The following CIBAR2 variants were observed in gnomAD, a reference collection of about 807,000 sequenced individuals.
CIBAR2 encodes CBY1-interacting BAR domain-containing protein 2.
CIBAR2 carries 38 observed loss-of-function variants against 36.2 expected under a neutral mutation model. The ratio of observed to expected loss-of-function variants is 1.05; its 90% CI spans 0.81 to 1.38. The LOEUF (loss-of-function observed/expected upper bound fraction) is 1.38. Among genes scored for constraint, CIBAR2 ranks in the 40% most tolerant of loss-of-function variants. The pLI is 0.00. For synonymous variants in CIBAR2, 182 were observed against 149.5 expected, an observed-to-expected ratio of 1.22 and a Z score of -1.58; for missense variants, 481 against 383.4, an observed-to-expected ratio of 1.25 and a Z score of -2.13.
Position 85,112,446 on chromosome 16 carries a change from C to G in CIBAR2, c.-94G>C. ...GGGAGGAGCCGGGCAGGGCTGGGTG[C>G]AGCTGTGTGGCCTGGGCTCAAGGGA... On this transcript the variant is annotated 5_prime_UTR_variant, in exon 1 of 9. Transcript: ENST00000539556. 7.7e-7 allele frequency: 1 copy of G among 1,299,458 alleles called. No individual in the cohort carries two copies. The highest frequency in any genetic ancestry group is 1.1e-6 in the Non-Finnish European group (1 of 897,844). The allele number at this position is 1,299,458 out of a possible 1,614,324, so 80.5% of individuals were successfully genotyped here. A position where few individuals can be genotyped will look rare whatever the true frequency, so the allele number is the denominator to read the frequency against.
At chr16:85,104,662 G>C (rs1355950714) in intron 6 of CIBAR2, among the ~76,000 whole-genome samples, 1 of 152,130 alleles carries the variant, frequency 6.6e-6, no homozygotes, top group Non-Finnish European at 1.5e-5. Context: ...GTTGCAGTGA[G>C]TGGAGATCAT....
Position 85,100,259 on chromosome 16 carries a change from G to A in CIBAR2, c.652-19C>T. The stretch of plus-strand genomic sequence containing the variant: ...TAAAATCCTGCCGGGGAGAGACCAG[G>A]GTGGGTGGGATCCGATGGGAAAACA... On this transcript the variant is annotated intron_variant, in intron 7 of 8. Transcript: ENST00000539556. 6 of 1,568,372 alleles carry A rather than the reference G, an allele frequency of 3.8e-6. No individual in the cohort carries two copies. Among genetic ancestry groups the A allele is most frequent in the Non-Finnish European group, 5.2e-6 (6 of 1,147,232 alleles).
In CIBAR2 at chr16:85,102,318, A is replaced by C; in HGVS notation, c.547T>G (p.Cys183Gly). 6.2e-7 allele frequency: 1 copy of C among 1,606,276 alleles called. No homozygotes were observed. The highest frequency in any genetic ancestry group is 8.5e-7 in the Non-Finnish European group (1 of 1,173,020). ...ACCATCTCAATAGTTACAAAGTCAC[A>C]AAAAAATTTCTGTGGGGAGAGAAAC... ...QKLKDLQKFF[C>G]DFVTIEMVFH... The change falls in exon 7 of 9, where the codon TGT (cysteine) becomes GGT (glycine). Residue 183 changes from cysteine to glycine, a missense_variant. By Grantham distance (159) the Cys-to-Gly change is radical. Transcript: ENST00000539556.
In CIBAR2 at chr16:85,105,357, G is replaced by A. The variant is rs1273473179; in HGVS notation, c.507C>T (p.Gly169=). Residue 169 remains glycine (G), a synonymous_variant, in exon 6 of 9, where the codon GGC becomes GGT. Coordinates refer to ENST00000539556, the MANE Select transcript of CIBAR2 (RefSeq NM_198491.3). ...GGTCCTTGAGCTTCTGCCTCTGGAAGCCATCCACAGTCTCCTCCAGCTGGA... is the reference window on the plus strand; with the variant it reads ...GGTCCTTGAGCTTCTGCCTCTGGAAACCATCCACAGTCTCCTCCAGCTGGA... ...TTLQLEETVD[G]FQRQKLKDLQ... is the part of the protein sequence containing the mutation. The A allele has an allele frequency of 6.2e-7, 1 of 1,613,530 alleles. No homozygotes were observed. Among genetic ancestry groups the A allele is most frequent in the South Asian group, 1.1e-5 (1 of 91,080 alleles).
chr16:85,112,026 T>C (rs2074046649), intron 1 of CIBAR2, among the ~76,000 whole-genome samples: 1 of 151,736 alleles, frequency 6.6e-6, no homozygotes, highest in South Asian at 2.1e-4. Context: ...CTGGTTGGGG[T>C]TGAGGTGTGA....
At position 85,098,568 on chromosome 16, in the gene CIBAR2, C is replaced by G. The variant is rs1239372460; in HGVS notation, c.*617G>C. On this transcript the variant is annotated 3_prime_UTR_variant, in exon 9 of 9. Transcript: ENST00000539556. The stretch of plus-strand genomic sequence containing the variant: ...TTCTGACTGTTGTGGGCAGTTCTCT[C>G]TTATGGGGTCCCTGCCCCAGTGCCC... The G allele has an allele frequency of 1.0e-6, 1 of 985,986 alleles. No homozygotes were observed. Among genetic ancestry groups the G allele is most frequent in the Non-Finnish European group, 1.2e-6 (1 of 830,004 alleles). The allele number at this position is 985,986 out of a possible 1,614,324, so 61.1% of individuals were successfully genotyped here. A position where few individuals can be genotyped will look rare whatever the true frequency, so the allele number is the denominator to read the frequency against.
rs2144171840 is a variant in CIBAR2, at chr16:85,108,011, A to G, written c.324+20T>C. The stretch of plus-strand genomic sequence containing the variant: ...AGGGCAAGACAGGGATGCCACCCAC[A>G]CCGAGGTGCCCCGGCTCACCCGTGT... On this transcript the variant is annotated intron_variant, in intron 3 of 8. Transcript: ENST00000539556. 1.2e-6 allele frequency: 2 copies of G among 1,613,822 alleles called. No individual in the cohort carries two copies. Among genetic ancestry groups the G allele is most frequent in the African/African-American group, 2.7e-5 (2 of 75,022 alleles).
intron 2 of CIBAR2, among the ~76,000 whole-genome samples, chr16:85,109,400 G>A (rs1160584862): frequency 6.6e-6 from 1 of 152,184 alleles, no homozygotes; most frequent in African/African-American, 2.4e-5. Context: ...GGGCATCGTG[G>A]GTTGTGTCTG....
chr16:85,110,993 C>A (rs962599969), intron 1 of CIBAR2, among the ~76,000 whole-genome samples: 9 of 152,146 alleles, frequency 5.9e-5, no homozygotes, highest in Non-Finnish European at 1.2e-4. Context: ...GCATGAGCCA[C>A]CACGTTCGGC....
chr16:85,099,350 C>T lies in CIBAR2; in HGVS notation c.754-4G>A. On this transcript the variant is annotated splice_region_variant and splice_polypyrimidine_tract_variant and intron_variant, in intron 8 of 8. Coordinates refer to ENST00000539556, the MANE Select transcript of CIBAR2 (RefSeq NM_198491.3). Reference sequence around the variant, plus strand: ...TCAGCTGGACCTGCAGAGTTCCCTGCAGAAATATAAATGCACCTGATGGCA... The same window carrying T: ...TCAGCTGGACCTGCAGAGTTCCCTGTAGAAATATAAATGCACCTGATGGCA... 6.6e-7 allele frequency: 1 copy of T among 1,505,362 alleles called. No homozygotes were observed. Among genetic ancestry groups the T allele is most frequent in the Non-Finnish European group, 9.3e-7 (1 of 1,080,986 alleles). 93.3% of individuals were successfully genotyped at this position (1,505,362 alleles called of 1,614,324 possible).
In CIBAR2 at chr16:85,107,686, T is replaced by C. The variant is rs17200798; in HGVS notation, c.427-14A>G. The C allele has an allele frequency of 0.16, 263,500 of 1,613,012 alleles. 22,951 individuals are homozygous for C. Among genetic ancestry groups the C allele is most frequent in the Middle Eastern group, 0.22 (1,338 of 6,060 alleles). On this transcript the variant is annotated splice_polypyrimidine_tract_variant and intron_variant, in intron 4 of 8. Coordinates refer to ENST00000539556, the MANE Select transcript of CIBAR2 (RefSeq NM_198491.3). ...ACTCACCTGGGACTGAAAAACGTGC[T>C]GTTAAGGAACCAAGTTAAGCCCAGG...
rs370185701 is a variant in CIBAR2 at position 85,110,363 on chromosome 16, C to A, written c.118G>T (p.Ala40Ser). The A allele has an allele frequency of 1.7e-5, 28 of 1,613,558 alleles. No homozygotes were observed. In the African/African-American group the frequency reaches 3.6e-4, roughly 21 times the overall value. Residue 40 changes from alanine to serine, a missense_variant, in exon 2 of 9, where the codon GCC becomes TCC. Transcript: ENST00000539556. ...TGGTCCGCCTTGTCCCGCAGCCGGGCCGTCTTGCGCGTGTAGGCGGCCAGC... is the reference window on the plus strand; with the variant it reads ...TGGTCCGCCTTGTCCCGCAGCCGGGACGTCTTGCGCGTGTAGGCGGCCAGC... ...SLLAAYTRKT[A>S]RLRDKADQLV... is the part of the protein sequence containing the mutation.
rs753304075 is a variant in CIBAR2 at position 85,099,208 on chromosome 16, T to C, written c.892A>G (p.Met298Val). 6.3e-7 allele frequency: 1 copy of C among 1,597,546 alleles called. No homozygotes were observed. Among genetic ancestry groups the C allele is most frequent in the Non-Finnish European group, 8.5e-7 (1 of 1,172,830 alleles). ...HCVCGQGGHLMLPGHSL is the reference protein window; with the variant it reads ...HCVCGQGGHLVLPGHSL The stretch of plus-strand genomic sequence containing the variant: ...CGTTAGAGAGAATGTCCTGGAAGCA[T>C]GAGATGCCCACCCTGCCCACACACA... Residue 298 changes from methionine (M) to valine (V), a missense_variant, in exon 9 of 9, where the codon ATG (methionine) becomes GTG (valine). Coordinates refer to ENST00000539556, the MANE Select transcript of CIBAR2 (RefSeq NM_198491.3).
chr16:85,110,044 C>T (rs1645393469), intron 2 of CIBAR2, among the ~76,000 whole-genome samples, 182 bp downstream of exon 2: 2 of 152,178 alleles, frequency 1.3e-5, no homozygotes, highest in Non-Finnish European at 2.9e-5. Context: ...CTCCTAGGCT[C>T]TCAATCCTGC....
At position 85,106,611 on chromosome 16, in the gene CIBAR2, T is replaced by C. The variant is rs139417912; in HGVS notation, c.432+1056A>G. Among the ~76,000 whole-genome samples, 4 of 152,258 alleles carry C rather than the reference T, an allele frequency of 2.6e-5. No homozygotes were observed. The East Asian group carries it at 7.7e-4, about 29-fold the overall frequency. On this transcript the variant is annotated intron_variant, in intron 5 of 8. Coordinates refer to ENST00000539556, the MANE Select transcript of CIBAR2 (RefSeq NM_198491.3). ...TGAGCCAAGGGATGTGCGTGGCCTC[T>C]GGAAGCTGGAAAAGGCGAGGGCGCA...
Position 85,105,334 on chromosome 16 carries a change from T to A in CIBAR2, c.530A>T (p.Asp177Val). The A allele has an allele frequency of 6.2e-7, 1 of 1,610,716 alleles. No homozygotes were observed. Among genetic ancestry groups the A allele is most frequent in the South Asian group, 1.1e-5 (1 of 91,000 alleles). The change falls in exon 6 of 9, where the codon GAC (aspartate) becomes GTC (valine). Residue 177 changes from aspartate to valine, a missense_variant. Physicochemically the swap from Asp to Val is radical, Grantham distance 152. Transcript: ENST00000539556. ...CCGGCCAACCACCCTCACCTGCAGG[T>A]CCTTGAGCTTCTGCCTCTGGAAGCC... is the stretch of plus-strand genomic sequence containing the variant. ...VDGFQRQKLK[D>V]LQKFFCDFVT...
chr16:85,099,251 C>G lies in CIBAR2; in HGVS notation c.849G>C (p.Lys283Asn), dbSNP rs768870588. The G allele has an allele frequency of 6.2e-7, 1 of 1,613,032 alleles. No individual in the cohort carries two copies. Among genetic ancestry groups the G allele is most frequent in the Admixed American group, 1.7e-5 (1 of 59,812 alleles). The change falls in exon 9 of 9, where the codon AAG (lysine) becomes AAC (asparagine). Residue 283 changes from lysine (K) to asparagine (N), a missense_variant. Coordinates refer to ENST00000539556, the MANE Select transcript of CIBAR2 (RefSeq NM_198491.3). ...GRFSLCEWVV[K>N]GQPAHCVCGQ... ...CACACACACAGTGGGCTGGCTGCCC[C>G]TTAACCACCCACTCACAGAGACTAA...
At chr16:85,102,892 C>G (rs769967183) in intron 6 of CIBAR2, among the ~76,000 whole-genome samples, 2 of 145,980 alleles carry the variant, frequency 1.4e-5, no homozygotes, top group East Asian at 2.0e-4. Context: ...TCCTGGAGAT[C>G]TCTTCACAGG....
chr16:85,110,704 C>CT (rs746973381), intron 1 of CIBAR2, among the ~76,000 whole-genome samples: 2,752 of 93,850 alleles, frequency 0.029, 120 homozygotes, highest in Middle Eastern at 0.14. Flanking sequence ...CAGACCTGGC[C>CT]TTTTTTTTTT....
Sources: allele counts gnomAD v4.1 joint callset (sites outside exome capture counted in the v4.1 genomes callset), GRCh38; gene constraint gnomAD v4.1.1; transcripts MANE v1.5; gene names NCBI Gene and HGNC (gene_info 2026-07-23, HGNC 2026-07-21).